Variants in SH3YL1 observed in about 807,000 individuals in gnomAD.
SH3YL1 encodes the protein SH3 domain-containing YSC84-like protein 1.
A neutral mutation model predicts 45.8 loss-of-function variants in SH3YL1; 41 were observed. That is an observed-to-expected ratio of 0.89 (90% confidence interval 0.70 to 1.16). The LOEUF is 1.16. Among genes scored for constraint, SH3YL1 ranks in the 50% most tolerant of loss-of-function variants. SH3YL1 has a pLI of 0.00. For synonymous variants in SH3YL1, 152 were observed against 151.4 expected (o/e 1.00, Z -0.03); for missense variants, 389 against 409.6 (o/e 0.95, Z 0.43).
intron 1 of SH3YL1, chr2:262,531 T>C (rs1669625619): frequency 1.6e-6 from 2 of 1,262,934 alleles, no homozygotes; most frequent in Non-Finnish European, 1.0e-6. Context: ...TCTGATCTTT[T>C]AGAGTAAAAA....
Position 230,120 on chromosome 2 carries a change from A to G in SH3YL1, c.703-76T>C, listed in dbSNP as rs551799484. On this transcript the variant is annotated intron_variant, in intron 7 of 9. Transcript: ENST00000356150. Reference sequence around the variant, plus strand: ...CTTAGGCACATATAACTCTTTTCTAATGAGGTTATGTAGCAAACTTTTATC... The same window carrying G: ...CTTAGGCACATATAACTCTTTTCTAGTGAGGTTATGTAGCAAACTTTTATC... The G allele has an allele frequency of 2.6e-6, 3 of 1,149,336 alleles. No homozygotes were observed. In the East Asian group the frequency reaches 7.5e-5, roughly 29 times the overall value. 71.2% of individuals were successfully genotyped at this position (1,149,336 alleles called of 1,614,324 possible).
intron 4 of SH3YL1, chr2:241,703 C>T (rs1668550989): frequency 6.6e-6 from 1 of 152,038 alleles, no homozygotes; most frequent in African/African-American, 2.4e-5. Flanking sequence ...AGATAGATTT[C>T]TCTTCAAAAA....
intron 1 of SH3YL1, among the ~76,000 whole-genome samples, chr2:254,400 C>T (rs1321178466): frequency 6.6e-6 from 1 of 152,302 alleles, no homozygotes; most frequent in Non-Finnish European, 1.5e-5. Context: ...AGCGAAGAAG[C>T]TGAATAGCTT....
chr2:228,907 T>C (rs1192978038), intron 8 of SH3YL1, among the ~76,000 whole-genome samples: 1 of 152,222 alleles, frequency 6.6e-6, no homozygotes, highest in Non-Finnish European at 1.5e-5. Flanking sequence ...TCCCGCCTTC[T>C]GCAGAGCTTT....
At chr2:262,674 C>T in intron 1 of SH3YL1, 1 of 1,304,194 alleles carries the variant, frequency 7.7e-7, no homozygotes, top group South Asian at 1.2e-5. Context: ...AGGCTCTCAG[C>T]AGAGTCAGGG....
At chr2:243,487 T>A in intron 4 of SH3YL1, 1 of 1,507,882 alleles carries the variant, frequency 6.6e-7, no homozygotes, top group East Asian at 2.6e-5. Flanking sequence ...TTAAGGAAAA[T>A]GAAGACACAA....
intron 3 of SH3YL1, among the ~76,000 whole-genome samples, chr2:248,150 T>C (rs1668917098): frequency 6.6e-6 from 1 of 152,204 alleles, no homozygotes; most frequent in South Asian, 2.1e-4. Flanking sequence ...ACAAGATAAA[T>C]CACATTTAGA....
intron 1 of SH3YL1, chr2:260,539 C>T (rs1669546848): frequency 1.3e-5 from 2 of 152,278 alleles, no homozygotes; most frequent in South Asian, 4.1e-4. Flanking sequence ...CTTCTGTTTC[C>T]ACTTGCTGTG....
At chr2:237,046 T>G (rs1375144305) in intron 4 of SH3YL1, among the ~76,000 whole-genome samples, 1 of 152,206 alleles carries the variant, frequency 6.6e-6, no homozygotes, top group Non-Finnish European at 1.5e-5. Context: ...GCTTTTCTTA[T>G]GCAAAGTTAA....
At chr2:243,700 C>T (rs1199673756) in intron 4 of SH3YL1, 3 of 952,014 alleles carry the variant, frequency 3.2e-6, no homozygotes, top group African/African-American at 3.4e-5. Context: ...TAAGTTTCTT[C>T]CCCGGAAGAA....
At chr2:238,559 G>C (rs1369314001) in intron 4 of SH3YL1, among the ~76,000 whole-genome samples, 1 of 149,046 alleles carries the variant, frequency 6.7e-6, no homozygotes, top group African/African-American at 2.5e-5. Flanking sequence ...TTCCAATCTT[G>C]AGTAAAAGCC....
chr2:255,218 GA>G (rs1352848428), intron 1 of SH3YL1, among the ~76,000 whole-genome samples: 1 of 152,024 alleles, frequency 6.6e-6, no homozygotes, highest in Non-Finnish European at 1.5e-5. Flanking sequence ...AAACAGCAGA[GA>G]AAAAAATCCC....
chr2:240,605 C>T (rs1668499791), intron 4 of SH3YL1: 1 of 152,176 alleles, frequency 6.6e-6, no homozygotes, highest in Admixed American at 6.5e-5. Context: ...CAAAGACTAC[C>T]TGTGCACAGG....
chr2:264,065 G>A (rs1354552812), upstream of SH3YL1: 4 of 1,352,924 alleles, frequency 3.0e-6, no homozygotes, highest in Non-Finnish European at 3.8e-6. Context: ...CGGACAAGGA[G>A]GCCCCAGCGA....
At chr2:245,310 A>G (rs946176264) in intron 4 of SH3YL1, among the ~76,000 whole-genome samples, 4 of 152,214 alleles carry the variant, frequency 2.6e-5, no homozygotes. Context: ...TGAAATTGAC[A>G]TTTAAAAGTT....
At chr2:252,195 GC>G (rs1039134438) in intron 2 of SH3YL1, among the ~76,000 whole-genome samples, 1 of 152,198 alleles carries the variant, frequency 6.6e-6, no homozygotes. Context: ...TAAGAACTGT[GC>G]CTTTATGGTC....
At chr2:227,887 T>A (rs1024581994) in intron 8 of SH3YL1, among the ~76,000 whole-genome samples, 11 of 95,946 alleles carry the variant, frequency 1.1e-4, no homozygotes, top group Non-Finnish European at 2.4e-4. Context: ...TTCCATAAAA[T>A]TATGTGTGTG....
Position 229,145 on chromosome 2 carries a change from G to A in SH3YL1, c.781+821C>T, listed in dbSNP as rs561811084. 5.3e-4 allele frequency among the ~76,000 whole-genome samples: 80 copies of A among 152,070 alleles called. 1 individual carries two copies. The highest frequency in any genetic ancestry group is 6.8e-3 in the Middle Eastern group (2 of 294). On this transcript the variant is annotated intron_variant, in intron 8 of 9. Transcript: ENST00000356150. ...CTATTTACTGGTAACCTCCATATAC[G>A]AAAAACAGAAACACAAGTGATTCAC...
At chr2:249,954 G>C (rs1274639056) in intron 2 of SH3YL1, 110 bp from the exon 3 acceptor site, 2 of 715,126 alleles carry the variant, frequency 2.8e-6, no homozygotes, top group Non-Finnish European at 4.8e-6. Context: ...CTAGGAATTC[G>C]GGGCACACAG....
Sources: gnomAD v4.1 joint callset for allele counts (sites outside exome capture counted in the v4.1 genomes callset) on GRCh38, gnomAD v4.1.1 for gene constraint, MANE v1.5 for transcripts, NCBI Gene and HGNC (gene_info 2026-07-23, HGNC 2026-07-21) for gene names.